VPS13D: variants seen among roughly 807,000 people sequenced by gnomAD.
VPS13D encodes the protein intermembrane lipid transfer protein VPS13D.
Under a neutral mutation model 461.9 loss-of-function variants are expected in VPS13D, and 187 were observed. The ratio of observed to expected loss-of-function variants is 0.40; its 90% CI spans 0.36 to 0.46. The LOEUF (loss-of-function observed/expected upper bound fraction) is 0.46. Among genes scored for constraint, VPS13D ranks in the 20% least tolerant of loss-of-function variants. The probability of loss-of-function intolerance (pLI) is 0.60; values close to 1 mark genes in which losing one functional copy is unlikely to be tolerated. For missense variants in VPS13D, 4,711 were observed against 5,364.9 expected, an observed-to-expected ratio of 0.88 and a Z score of 3.81; for synonymous variants, 1,951 against 1,986.3, an observed-to-expected ratio of 0.98 and a Z score of 0.47.
intron 67 of VPS13D, among the ~76,000 whole-genome samples, chr1:12,483,455 G>A (rs1435112299): frequency 2.0e-5 from 3 of 151,408 alleles, no homozygotes; most frequent in Non-Finnish European, 2.9e-5. Flanking sequence ...TTTTAAACCC[G>A]TTAAGGTCAG....
chr1:12,374,284 T>C (rs967343509), intron 55 of VPS13D, among the ~76,000 whole-genome samples: 1 of 152,152 alleles, frequency 6.6e-6, no homozygotes, highest in Non-Finnish European at 1.5e-5. Flanking sequence ...ACATTGAAAA[T>C]TAGGTTAAAG....
intron 65 of VPS13D, among the ~76,000 whole-genome samples, chr1:12,427,457 T>A (rs1031030336): frequency 2.0e-5 from 3 of 151,918 alleles, no homozygotes; most frequent in Non-Finnish European, 4.4e-5. Context: ...TCTGTATTCA[T>A]TAATTTAACC....
At position 12,460,167 on chromosome 1, in the gene VPS13D, G is replaced by T. The variant is rs780126519; in HGVS notation, c.12467-34G>T. The T allele has an allele frequency of 4.6e-6, 7 of 1,505,904 alleles. No individual in the cohort carries two copies. The South Asian group carries it at 5.4e-5, about 12-fold the overall frequency. The allele number at this position is 1,505,904 out of a possible 1,614,324, so 93.3% of individuals were successfully genotyped here. A position where few individuals can be genotyped will look rare whatever the true frequency, so the allele number is the denominator to read the frequency against. ...TTTAAATGCTTTTGCTTTTGTCCTCGTCAGGTTACAACAGCCCTTGTCTTT... is the reference window on the plus strand; with the variant it reads ...TTTAAATGCTTTTGCTTTTGTCCTCTTCAGGTTACAACAGCCCTTGTCTTT... On this transcript the variant is annotated intron_variant, in intron 66 of 69. Transcript: ENST00000620676.
chr1:12,425,562 TA>T (rs79970313), intron 65 of VPS13D, among the ~76,000 whole-genome samples: 5,671 of 142,138 alleles, frequency 0.04, 123 homozygotes, highest in African/African-American at 0.066. Context: ...GTTTCTGTCT[TA>T]AAAAAAAAAA....
In VPS13D at chr1:12,276,630, T is replaced by C; in HGVS notation, c.3042T>C (p.Ala1014=). Residue 1014 remains alanine, a synonymous_variant, in exon 19 of 70, where the codon GCT becomes GCC. Coordinates refer to ENST00000620676, the MANE Select transcript of VPS13D (RefSeq NM_015378.4). This position sits in a 1 kb window ranked among gnomAD's most constrained non-coding sequence, Gnocchi z 4.5. ...TGGATACCATGCAGACATATGGTGCTGATTTTGACCTTTTGATGGCTTCAC... is the reference window on the plus strand; with the variant it reads ...TGGATACCATGCAGACATATGGTGCCGATTTTGACCTTTTGATGGCTTCAC... ...LLVDTMQTYG[A]DFDLLMASHK... is the part of the protein sequence containing the mutation. 1.2e-6 allele frequency: 2 copies of C among 1,614,226 alleles called. No homozygotes were observed. Among genetic ancestry groups the C allele is most frequent in the East Asian group, 4.5e-5 (2 of 44,886 alleles).
chr1:12,338,091 A>AAC lies in VPS13D; in HGVS notation c.8552-140_8552-139insAC, dbSNP rs1569944503. On this transcript the variant is annotated intron_variant, in intron 39 of 69. Coordinates refer to ENST00000620676, the MANE Select transcript of VPS13D (RefSeq NM_015378.4). The stretch of plus-strand genomic sequence containing the variant: ...AGTACATTCGTAGTGCTTAGTAATC[A>AAC]CTGATGGGAATGACTCTGTACTTGC... 4 of 702,802 alleles carry AAC rather than the reference A, an allele frequency of 5.7e-6. No individual in the cohort carries two copies. The East Asian group carries it at 1.0e-4, about 18-fold the overall frequency. 43.5% of individuals were successfully genotyped at this position (702,802 alleles called of 1,614,324 possible). A position where few individuals can be genotyped will look rare whatever the true frequency, so the allele number is the denominator to read the frequency against.
Position 12,415,160 on chromosome 1 carries a change from G to A in VPS13D, c.12104G>A (p.Arg4035Gln), listed in dbSNP as rs1268603766. Residue 4035 changes from arginine to glutamine, a missense_variant, in exon 64 of 70, where the codon CGG becomes CAG. Physicochemically the swap from Arg to Gln is conservative, Grantham distance 43. Coordinates refer to ENST00000620676, the MANE Select transcript of VPS13D (RefSeq NM_015378.4). ...GTGATTAATCTAGATCCATTCACTC[G>A]GGTACATCCCTATGAGACCAAGGAG... ...DAVINLDPFT[R>Q]VHPYETKEFI... 3 of 1,613,870 alleles carry A rather than the reference G, an allele frequency of 1.9e-6. No homozygotes were observed. The highest frequency in any genetic ancestry group is 2.2e-5 in the East Asian group (1 of 44,884).
chr1:12,401,193 G>A (rs1271628881), intron 61 of VPS13D, among the ~76,000 whole-genome samples: 1 of 152,126 alleles, frequency 6.6e-6, no homozygotes, highest in Admixed American at 6.5e-5. Context: ...AGCCAACCAG[G>A]GGTTGCTTCC....
chr1:12,386,830 G>T (rs1377658666), intron 60 of VPS13D, among the ~76,000 whole-genome samples: 3 of 152,160 alleles, frequency 2.0e-5, no homozygotes, highest in Non-Finnish European at 4.4e-5. Context: ...AAACAAACGA[G>T]CTGAGCCCTG....
chr1:12,394,047 GCA>G (rs1644463777), intron 60 of VPS13D, among the ~76,000 whole-genome samples: 1 of 152,260 alleles, frequency 6.6e-6, no homozygotes, highest in Non-Finnish European at 1.5e-5. Flanking sequence ...TTTCCCCAGT[GCA>G]CAGTTACCCT....
chr1:12,266,722 G>A (rs1156778212), intron 13 of VPS13D, among the ~76,000 whole-genome samples, 159 bp from the exon 14 acceptor site: 1 of 152,128 alleles, frequency 6.6e-6, no homozygotes, highest in Non-Finnish European at 1.5e-5. Flanking sequence ...TCTCCAATAT[G>A]TGCCTGTAGA....
intron 36 of VPS13D, 125 bp downstream of exon 36, chr1:12,327,979 T>C: frequency 2.1e-6 from 2 of 963,200 alleles, no homozygotes. Flanking sequence ...TAGATAATAG[T>C]TTTACATATG....
At chr1:12,345,971 C>T (rs1389965284) in intron 43 of VPS13D, among the ~76,000 whole-genome samples, 1 of 152,232 alleles carries the variant, frequency 6.6e-6, no homozygotes, top group Non-Finnish European at 1.5e-5. Flanking sequence ...CTCACATACC[C>T]TTCCTGCCTG....
intron 67 of VPS13D, among the ~76,000 whole-genome samples, chr1:12,490,996 G>C (rs1190641061): frequency 6.6e-6 from 1 of 152,228 alleles, no homozygotes; most frequent in African/African-American, 2.4e-5. Flanking sequence ...TTCTCTTAGA[G>C]AAATGACAAA....
At position 12,507,128 on chromosome 1, in the gene VPS13D, C is replaced by G; in HGVS notation, c.13035+35C>G. ...TGGCTGTTCTCAGGCTCCTGAGGGG[C>G]GGGGCCAGGGCCTCGATGCCTCTGC... On this transcript the variant is annotated intron_variant, in intron 69 of 69. Coordinates refer to ENST00000620676, the MANE Select transcript of VPS13D (RefSeq NM_015378.4). The surrounding 1 kb of genome is among the most constrained non-coding windows in gnomAD (Gnocchi z 5.3). 6.2e-7 allele frequency: 1 copy of G among 1,612,312 alleles called. No homozygotes were observed. The highest frequency in any genetic ancestry group is 1.1e-5 in the South Asian group (1 of 90,924).
chr1:12,333,879 GGATTCAATGTCATGAAT>G (rs1643388815), intron 38 of VPS13D, among the ~76,000 whole-genome samples: 1 of 152,090 alleles, frequency 6.6e-6, no homozygotes, highest in South Asian at 2.1e-4. Context: ...GTACATCTCT[GGATTCAATGTCATGAAT>G]AAAAACTGCT....
chr1:12,492,756 A>G (rs529267485), intron 67 of VPS13D, among the ~76,000 whole-genome samples: 1 of 152,358 alleles, frequency 6.6e-6, no homozygotes, highest in East Asian at 1.9e-4. Context: ...AGGAAGATGG[A>G]TATATCATGG....
intron 26 of VPS13D, among the ~76,000 whole-genome samples, chr1:12,308,166 C>T (rs1642621398): frequency 6.6e-6 from 1 of 152,108 alleles, no homozygotes. Context: ...GCATGAGACA[C>T]CGTAGAACTG....
intron 61 of VPS13D, 98 bp downstream of exon 61, chr1:12,400,428 G>C: frequency 7.0e-7 from 1 of 1,434,186 alleles, no homozygotes; most frequent in African/African-American, 1.4e-5. Context: ...GGGTGCTGAT[G>C]GGAATAGCTC....
Sources: gnomAD v4.1 joint callset for allele counts (sites outside exome capture counted in the v4.1 genomes callset) on GRCh38, gnomAD v4.1.1 for gene constraint, Gnocchi (gnomAD v3.1) non-coding constraint, MANE v1.5 for transcripts, NCBI Gene and HGNC (gene_info 2026-07-23, HGNC 2026-07-21) for gene names.